KCND2: variants seen among roughly 807,000 people sequenced by gnomAD.
The protein encoded by KCND2 is A-type voltage-gated potassium channel KCND2.
A neutral mutation model predicts 54.4 loss-of-function variants in KCND2; 16 were observed. The ratio of observed to expected loss-of-function variants is 0.29; its 90% CI spans 0.20 to 0.45. The LOEUF (loss-of-function observed/expected upper bound fraction) is 0.45. Ranked by LOEUF, KCND2 falls within the 20% of genes least tolerant of loss-of-function variation. The pLI is 1.00. For missense variants in KCND2, 486 were observed against 824.2 expected (o/e 0.59, Z 5.02); for synonymous variants, 317 against 310.7 (o/e 1.02, Z -0.21).
chr7:120,341,543 G>T (rs907032584), intron 1 of KCND2, among the ~76,000 whole-genome samples: 1 of 152,116 alleles, frequency 6.6e-6, no homozygotes, highest in Non-Finnish European at 1.5e-5. Flanking sequence ...TAGAGCAAAT[G>T]AGCTAGAAAG....
chr7:120,666,056 A>G (rs1341288686), intron 1 of KCND2, among the ~76,000 whole-genome samples: 1 of 152,066 alleles, frequency 6.6e-6, no homozygotes, highest in African/African-American at 2.4e-5. Flanking sequence ...GTCTTTCAAA[A>G]AATTTAAAGG....
intron 1 of KCND2, among the ~76,000 whole-genome samples, chr7:120,320,504 G>C (rs147084564): frequency 6.6e-6 from 1 of 152,148 alleles, no homozygotes; most frequent in African/African-American, 2.4e-5. Context: ...TAGGGAAAAG[G>C]CCTTTCCACT....
At chr7:120,570,326 C>A (rs533197241) in intron 1 of KCND2, among the ~76,000 whole-genome samples, 1 of 151,704 alleles carries the variant, frequency 6.6e-6, no homozygotes, top group African/African-American at 2.4e-5. Context: ...ACTGTTCAGG[C>A]GACTGGGAAA....
intron 1 of KCND2, among the ~76,000 whole-genome samples, chr7:120,667,972 A>G (rs574162095): frequency 1.4e-4 from 22 of 152,192 alleles, no homozygotes; most frequent in African/African-American, 5.1e-4. Flanking sequence ...GAAAAAAAAG[A>G]GTACATTTAA....
chr7:120,430,203 G>C (rs1372181554), intron 1 of KCND2, among the ~76,000 whole-genome samples: 1 of 152,096 alleles, frequency 6.6e-6, no homozygotes, highest in Non-Finnish European at 1.5e-5. Flanking sequence ...CCTCTCCTTG[G>C]CTTGCAGTCT....
chr7:120,724,379 A>T (rs536175654), intron 1 of KCND2, among the ~76,000 whole-genome samples: 1 of 152,366 alleles, frequency 6.6e-6, no homozygotes, highest in African/African-American at 2.4e-5. Flanking sequence ...AGCTTCATCA[A>T]TGGAAATTGG....
At chr7:120,400,371 G>A (rs552096059) in intron 1 of KCND2, among the ~76,000 whole-genome samples, 2 of 152,128 alleles carry the variant, frequency 1.3e-5, no homozygotes, top group South Asian at 4.1e-4. Context: ...CTCCAATAAA[G>A]CAAAGTCATG....
intron 1 of KCND2, among the ~76,000 whole-genome samples, chr7:120,382,138 C>T (rs1041233414): frequency 6.6e-6 from 1 of 151,806 alleles, no homozygotes; most frequent in East Asian, 1.9e-4. Flanking sequence ...GTTTTCCTTT[C>T]TTTTTAAATT....
chr7:120,747,690 T>C lies in KCND2; in HGVS notation c.1725T>C (p.Ser575=). The change falls in exon 6 of 6, where the codon AGT becomes AGC. Residue 575 remains serine, a synonymous_variant. Coordinates refer to ENST00000331113, the MANE Select transcript of KCND2 (RefSeq NM_012281.3). ...ERTPLSNSRS[S]LNAKMEECVK... Reference sequence around the variant, plus strand: ...TTTTTTTTTCTATCAGCCGATCCAGTTTAAATGCCAAAATGGAAGAGTGTG... The same window carrying C: ...TTTTTTTTTCTATCAGCCGATCCAGCTTAAATGCCAAAATGGAAGAGTGTG... 5 of 1,612,084 alleles carry C rather than the reference T, an allele frequency of 3.1e-6. No individual in the cohort carries two copies. Among genetic ancestry groups the C allele is most frequent in the Non-Finnish European group, 4.2e-6 (5 of 1,178,586 alleles).
At chr7:120,512,452 A>G (rs922939888) in intron 1 of KCND2, among the ~76,000 whole-genome samples, 5 of 152,092 alleles carry the variant, frequency 3.3e-5, no homozygotes, top group African/African-American at 1.2e-4. Context: ...ATTGGACTAC[A>G]TTAGCATCAC....
In KCND2 at chr7:120,576,706, C is replaced by G. The variant is rs548372131; in HGVS notation, c.1116-156197C>G. 2.2e-3 allele frequency among the ~76,000 whole-genome samples: 327 copies of G among 152,060 alleles called. 3 individuals are homozygous for G. The highest frequency in any genetic ancestry group is 7.6e-3 in the African/African-American group (316 of 41,472). On this transcript the variant is annotated intron_variant, in intron 1 of 5. Transcript: ENST00000331113. ...CTTCCAAGAAACTGTATCCTCTATC[C>G]TTAGGCCAATATCTGAAGGTGAGAA...
At position 120,578,366 on chromosome 7, in the gene KCND2, C is replaced by T. The variant is rs553890659; in HGVS notation, c.1116-154537C>T. 2.0e-5 allele frequency among the ~76,000 whole-genome samples: 3 copies of T among 152,094 alleles called. No homozygotes were observed. In the East Asian group the frequency reaches 5.8e-4, roughly 29 times the overall value. ...ATCCTTTTCCAGAGCAAAGAAACCC[C>T]AACTTAAAATTTAACTCATTTTATA... On this transcript the variant is annotated intron_variant, in intron 1 of 5. Transcript: ENST00000331113.
At position 120,605,613 on chromosome 7, in the gene KCND2, C is replaced by T. The variant is rs532106227; in HGVS notation, c.1116-127290C>T. Among the ~76,000 whole-genome samples the T allele has an allele frequency of 3.3e-5, 5 of 152,226 alleles. No homozygotes were observed. In the East Asian group the frequency reaches 9.7e-4, roughly 29 times the overall value. On this transcript the variant is annotated intron_variant, in intron 1 of 5. Transcript: ENST00000331113. ...GTGGAACTGATGGGCCATATGGCAA[C>T]TCAAGGTTTAACTTTTTGAGGTACT...
chr7:120,510,846 C>T (rs770805154), intron 1 of KCND2, among the ~76,000 whole-genome samples: 5 of 151,862 alleles, frequency 3.3e-5, no homozygotes, highest in Admixed American at 1.3e-4. Context: ...GTCCCTCCTC[C>T]TTCTACCCCC....
chr7:120,549,145 G>T (rs1313159024), intron 1 of KCND2, among the ~76,000 whole-genome samples: 1 of 152,108 alleles, frequency 6.6e-6, no homozygotes, highest in Non-Finnish European at 1.5e-5. Flanking sequence ...CTTTTGAAGA[G>T]AAAGCAGAAG....
At chr7:120,340,944 A>AG (rs1800231116) in intron 1 of KCND2, among the ~76,000 whole-genome samples, 1 of 152,252 alleles carries the variant, frequency 6.6e-6, no homozygotes, top group Non-Finnish European at 1.5e-5. Flanking sequence ...TGACTACATA[A>AG]GGAAAAAATA....
intron 1 of KCND2, among the ~76,000 whole-genome samples, chr7:120,500,475 T>C (rs933793469): frequency 2.0e-5 from 3 of 152,182 alleles, no homozygotes; most frequent in Non-Finnish European, 4.4e-5. Flanking sequence ...TGGGGCATTA[T>C]CGCAAAATTC....
At chr7:120,354,139 T>A (rs1445049843) in intron 1 of KCND2, among the ~76,000 whole-genome samples, 1 of 152,108 alleles carries the variant, frequency 6.6e-6, no homozygotes, top group Non-Finnish European at 1.5e-5. Context: ...TGCAATACCA[T>A]ATTTTCTTGG....
At chr7:120,706,467 A>G (rs1015075889) in intron 1 of KCND2, among the ~76,000 whole-genome samples, 1 of 152,190 alleles carries the variant, frequency 6.6e-6, no homozygotes, top group Non-Finnish European at 1.5e-5. Flanking sequence ...GTGTCTTCAC[A>G]TGGCAGAAGG....
Sources: allele counts gnomAD v4.1 joint callset (sites outside exome capture counted in the v4.1 genomes callset), GRCh38; gene constraint gnomAD v4.1.1; transcripts MANE v1.5; gene names NCBI Gene and HGNC (gene_info 2026-07-23, HGNC 2026-07-21).